PUM3: variants seen among roughly 807,000 people sequenced by gnomAD.
The protein encoded by PUM3 is pumilio homolog 3.
In PUM3, 91 loss-of-function variants were observed where a neutral mutation model predicts 84.0. The ratio of observed to expected loss-of-function variants is 1.08; its 90% confidence interval spans 0.91 to 1.29. The LOEUF is 1.29. Ranked by LOEUF, PUM3 falls within the 50% of genes most tolerant of loss-of-function variation. PUM3 has a pLI of 0.00. For synonymous variants in PUM3, 321 were observed against 266.7 expected (o/e 1.20, Z -1.98); for missense variants, 1,067 against 767.5 (o/e 1.39, Z -4.61).
In PUM3 at chr9:2,831,248, T is replaced by C; in HGVS notation, c.610+3A>G. On this transcript the variant is annotated splice_donor_region_variant and intron_variant, in intron 6 of 17. Coordinates refer to ENST00000397885, the MANE Select transcript of PUM3 (RefSeq NM_014878.5). ...AACATAATCTTTAGTATGTAATAAA[T>C]ACCTCGCAATTCTTCAAAAGCCTGT... 6.4e-7 allele frequency: 1 copy of C among 1,552,226 alleles called. No homozygotes were observed. Among genetic ancestry groups the C allele is most frequent in the Non-Finnish European group, 8.9e-7 (1 of 1,127,468 alleles).
chr9:2,841,408 T>C (rs1465870983), intron 1 of PUM3, among the ~76,000 whole-genome samples: 1 of 151,934 alleles, frequency 6.6e-6, no homozygotes, highest in Non-Finnish European at 1.5e-5. Flanking sequence ...CTACTAAAAA[T>C]ACAAAATTTA....
In PUM3 at chr9:2,837,830, A is replaced by G. The variant is rs1816169051; in HGVS notation, c.83-429T>C. 2.6e-5 allele frequency among the ~76,000 whole-genome samples: 4 copies of G among 152,170 alleles called. No homozygotes were observed. The South Asian group carries it at 6.2e-4, about 24-fold the overall frequency. On this transcript the variant is annotated intron_variant, in intron 2 of 17. Transcript: ENST00000397885. The stretch of plus-strand genomic sequence containing the variant: ...TTCTTGAACATTCTTGAAATTTGGA[A>G]AGTATATCATAAGGACATCTAAAAT...
intron 12 of PUM3, among the ~76,000 whole-genome samples, chr9:2,821,682 C>CT (rs1188980831): frequency 7.2e-5 from 11 of 152,076 alleles, no homozygotes; most frequent in Admixed American, 4.6e-4. Context: ...GGTTCAACTT[C>CT]TTTGAAGAGC....
chr9:2,830,930 A>G lies in PUM3; in HGVS notation c.677+32T>C. The G allele has an allele frequency of 2.7e-6, 3 of 1,113,384 alleles. No homozygotes were observed. The South Asian group carries it at 4.0e-5, about 15-fold the overall frequency. The allele number at this position is 1,113,384 out of a possible 1,614,324, so 69.0% of individuals were successfully genotyped here. ...GAAACCATGTCTTCAAAAGACAAAGAAAAAATGTATTTTATACATAAAACA... is the reference window on the plus strand; with the variant it reads ...GAAACCATGTCTTCAAAAGACAAAGGAAAAATGTATTTTATACATAAAACA... On this transcript the variant is annotated intron_variant, in intron 7 of 17. Coordinates refer to ENST00000397885, the MANE Select transcript of PUM3 (RefSeq NM_014878.5).
intron 17 of PUM3, among the ~76,000 whole-genome samples, chr9:2,805,158 C>A (rs551281410): frequency 6.6e-6 from 1 of 152,316 alleles, no homozygotes; most frequent in South Asian, 2.1e-4. Context: ...GAGTGGTTTT[C>A]TGAGGCTCAA....
intron 1 of PUM3, among the ~76,000 whole-genome samples, chr9:2,841,526 C>A (rs1008521476): frequency 2.0e-5 from 3 of 152,162 alleles, no homozygotes; most frequent in African/African-American, 7.2e-5. Flanking sequence ...TGAGATTGTG[C>A]CACTACACTC....
chr9:2,817,885 G>C (rs896724584), intron 13 of PUM3, among the ~76,000 whole-genome samples: 3 of 152,136 alleles, frequency 2.0e-5, no homozygotes, highest in Non-Finnish European at 4.4e-5. Context: ...CAATTGGCTA[G>C]TATACTTATT....
chr9:2,829,422 C>A (rs1313595646), intron 8 of PUM3, among the ~76,000 whole-genome samples: 2 of 152,220 alleles, frequency 1.3e-5, no homozygotes, highest in African/African-American at 4.8e-5. Flanking sequence ...GAGCCCAATA[C>A]ACTTCAGCCA....
chr9:2,838,748 C>CT (rs1405703156), intron 1 of PUM3, among the ~76,000 whole-genome samples: 2 of 152,148 alleles, frequency 1.3e-5, no homozygotes, highest in African/African-American at 2.4e-5. Flanking sequence ...AACACACACC[C>CT]TGGCCAGTGT....
At chr9:2,827,940 G>A (rs1226158605) in intron 9 of PUM3, among the ~76,000 whole-genome samples, 1 of 152,214 alleles carries the variant, frequency 6.6e-6, no homozygotes, top group Non-Finnish European at 1.5e-5. Context: ...GTCGTACCCA[G>A]GCAGTCGGGT....
At chr9:2,809,075 C>T (rs548876657) in intron 16 of PUM3, among the ~76,000 whole-genome samples, 7 of 152,118 alleles carry the variant, frequency 4.6e-5, no homozygotes, top group Non-Finnish European at 8.8e-5. Flanking sequence ...GAAAAGTGGA[C>T]ACTCCAACCA....
chr9:2,808,588 G>C (rs1385320378), intron 16 of PUM3, among the ~76,000 whole-genome samples: 1 of 152,186 alleles, frequency 6.6e-6, no homozygotes, highest in South Asian at 2.1e-4. Flanking sequence ...AAACATCATA[G>C]TCAGGTAGCA....
chr9:2,807,910 A>C lies in PUM3; in HGVS notation c.1724-6T>G. 6.3e-7 allele frequency: 1 copy of C among 1,576,256 alleles called. No individual in the cohort carries two copies. The highest frequency in any genetic ancestry group is 1.1e-5 in the South Asian group (1 of 90,270). ...AAGTGTTTTTGCAAAACAACCTGTA[A>C]AATATACTGAAGCTTAGTGAACATC... On this transcript the variant is annotated splice_region_variant and splice_polypyrimidine_tract_variant and intron_variant, in intron 16 of 17. Transcript: ENST00000397885.
intron 13 of PUM3, among the ~76,000 whole-genome samples, chr9:2,812,925 A>G (rs2129799954): frequency 6.6e-6 from 1 of 152,370 alleles, no homozygotes; most frequent in South Asian, 2.1e-4. Context: ...GCATGAATGA[A>G]GAACACTTCT....
At position 2,805,082 on chromosome 9, in the gene PUM3, CTCT is replaced by C. The variant is rs1366675522; in HGVS notation, c.1815-622_1815-620del. Among the ~76,000 whole-genome samples, 20 of 152,320 alleles carry C rather than the reference CTCT, an allele frequency of 1.3e-4. No individual in the cohort carries two copies. In the East Asian group the frequency reaches 2.9e-3, roughly 22 times the overall value. Reference sequence around the variant, plus strand: ...CAACCAAGAGCATGCTATGTAAACTCTCTTAAGACTCAGTTTCCCGAATTGTAG... The same window carrying C: ...CAACCAAGAGCATGCTATGTAAACTCTAAGACTCAGTTTCCCGAATTGTAG... On this transcript the variant is annotated intron_variant, in intron 17 of 17. Coordinates refer to ENST00000397885, the MANE Select transcript of PUM3 (RefSeq NM_014878.5).
At chr9:2,805,022 G>C (rs1821232444) in intron 17 of PUM3, among the ~76,000 whole-genome samples, 1 of 152,060 alleles carries the variant, frequency 6.6e-6, no homozygotes, top group African/African-American at 2.4e-5. Flanking sequence ...TCACTGCTTG[G>C]GTGGGAAACC....
Position 2,838,474 on chromosome 9 carries a change from T to C in PUM3, c.34A>G (p.Lys12Glu), listed in dbSNP as rs1816187636. 1.9e-6 allele frequency: 3 copies of C among 1,613,684 alleles called. No individual in the cohort carries two copies. The highest frequency in any genetic ancestry group is 2.5e-6 in the Non-Finnish European group (3 of 1,179,680). Residue 12 changes from lysine to glutamate, a missense_variant, in exon 2 of 18, where the codon AAG becomes GAG. Lys to Glu is a moderately conservative substitution (Grantham distance 56). Transcript: ENST00000397885. Reference sequence around the variant, plus strand: ...TTTTCTTGTGCTGTCTTTGTACTCTTTCCTGTGAATTGCTTTTTCCCTTTA... The same window carrying C: ...TTTTCTTGTGCTGTCTTTGTACTCTCTCCTGTGAATTGCTTTTTCCCTTTA... Reference protein sequence around the residue: ...EVKGKKQFTGKSTKTAQEKNR... With the variant: ...EVKGKKQFTGESTKTAQEKNR...
intron 17 of PUM3, among the ~76,000 whole-genome samples, chr9:2,805,103 A>C (rs1821234035): frequency 6.6e-6 from 1 of 152,214 alleles, no homozygotes; most frequent in South Asian, 2.1e-4. Context: ...CAGTTTCCCG[A>C]ATTGTAGAAT....
intron 10 of PUM3, among the ~76,000 whole-genome samples, chr9:2,826,617 T>C (rs762914650): frequency 1.3e-5 from 2 of 152,216 alleles, no homozygotes; most frequent in Non-Finnish European, 2.9e-5. Context: ...TGAAGGGCAG[T>C]GCAATTTACC....
Sources: allele counts gnomAD v4.1 joint callset (sites outside exome capture counted in the v4.1 genomes callset), GRCh38; gene constraint gnomAD v4.1.1; transcripts MANE v1.5; gene names NCBI Gene and HGNC (gene_info 2026-07-23, HGNC 2026-07-21).